SSBP3: variants seen among roughly 807,000 people sequenced by gnomAD.
SSBP3 encodes the protein single-stranded DNA-binding protein 3.
SSBP3 carries 5 observed loss-of-function variants against 69.6 expected under a neutral mutation model. That is an observed-to-expected ratio of 0.07 (90% CI 0.04 to 0.15). The LOEUF is 0.15. Ranked by LOEUF, SSBP3 falls within the 10% of genes least tolerant of loss-of-function variation. The probability of loss-of-function intolerance (pLI) is 1.00; values close to 1 mark genes in which losing one functional copy is unlikely to be tolerated. For synonymous variants in SSBP3, 196 were observed against 193.4 expected (o/e 1.01, Z -0.11); for missense variants, 312 against 534.0 (o/e 0.58, Z 4.10).
At chr1:54,334,491 A>T (rs1646475053) in intron 4 of SSBP3, among the ~76,000 whole-genome samples, 1 of 151,988 alleles carries the variant, frequency 6.6e-6, no homozygotes, top group Admixed American at 6.6e-5. Flanking sequence ...CTACGGACCC[A>T]CTCATTAGCT....
intron 4 of SSBP3, among the ~76,000 whole-genome samples, chr1:54,336,443 G>A (rs578178019): frequency 1.5e-4 from 23 of 152,046 alleles, no homozygotes; most frequent in South Asian, 6.3e-4. Context: ...GCCCATTCTC[G>A]GTGAGCATCC....
chr1:54,386,527 T>C (rs1214436582), intron 4 of SSBP3, among the ~76,000 whole-genome samples: 2 of 151,950 alleles, frequency 1.3e-5, no homozygotes, highest in African/African-American at 4.8e-5. Context: ...AGGTTGCTCA[T>C]ATCCCGTATT....
At chr1:54,367,284 A>C (rs1458171835) in intron 4 of SSBP3, among the ~76,000 whole-genome samples, 1 of 152,190 alleles carries the variant, frequency 6.6e-6, no homozygotes, top group Admixed American at 6.5e-5. Flanking sequence ...TGAGAATACC[A>C]GCCATCGTTT....
intron 1 of SSBP3, among the ~76,000 whole-genome samples, chr1:54,411,620 C>G (rs890574799): frequency 1.3e-5 from 2 of 152,016 alleles, no homozygotes; most frequent in Non-Finnish European, 2.9e-5. Context: ...CTGCCGGGCG[C>G]GGTGGTTCAC....
chr1:54,245,994 A>G (rs1033620964), intron 9 of SSBP3, among the ~76,000 whole-genome samples: 2 of 152,148 alleles, frequency 1.3e-5, no homozygotes. Flanking sequence ...GAATGACCCC[A>G]CTGTGCAGTT....
intron 4 of SSBP3, among the ~76,000 whole-genome samples, chr1:54,361,881 T>C (rs2073109): frequency 0.65 from 98,887 of 152,006 alleles, 33,169 homozygotes; most frequent in African/African-American, 0.83. Context: ...GACTGGGAGG[T>C]GTTGTCATCG....
At chr1:54,280,173 G>A (rs1170990105) in intron 5 of SSBP3, among the ~76,000 whole-genome samples, 2 of 152,214 alleles carry the variant, frequency 1.3e-5, no homozygotes, top group Non-Finnish European at 2.9e-5. Context: ...CTTCTTAGCT[G>A]GTGAGCAGCA....
intron 9 of SSBP3, 156 bp from the exon 10 acceptor site, chr1:54,243,455 T>TG (rs1644678068): frequency 1.1e-6 from 1 of 881,930 alleles, no homozygotes. Flanking sequence ...GTGGGGCGGG[T>TG]GGGAACCAAG....
At chr1:54,407,914 A>T (rs1649889935), upstream of SSBP3, among the ~76,000 whole-genome samples, 2 of 152,174 alleles carry the variant, frequency 1.3e-5, no homozygotes. Flanking sequence ...AACAAAATAA[A>T]CAATAATTCC....
chr1:54,274,037 GT>G (rs1392124255), intron 5 of SSBP3, among the ~76,000 whole-genome samples: 1 of 152,220 alleles, frequency 6.6e-6, no homozygotes, highest in Non-Finnish European at 1.5e-5. Context: ...TGGTGCTTCT[GT>G]CCCCTGGAGG....
At chr1:54,310,961 G>C (rs185583606) in intron 4 of SSBP3, among the ~76,000 whole-genome samples, 1 of 152,192 alleles carries the variant, frequency 6.6e-6, no homozygotes, top group East Asian at 1.9e-4. Flanking sequence ...CACCTGGAAG[G>C]ACCGCAGGTC....
At chr1:54,287,581 G>C (rs965965388) in intron 4 of SSBP3, among the ~76,000 whole-genome samples, 1 of 152,158 alleles carries the variant, frequency 6.6e-6, no homozygotes, top group Non-Finnish European at 1.5e-5. Context: ...TGGGGAAGGA[G>C]GGAGGGAGGG....
chr1:54,354,094 G>A (rs1028748799), intron 4 of SSBP3, among the ~76,000 whole-genome samples: 15 of 152,128 alleles, frequency 9.9e-5, no homozygotes, highest in African/African-American at 3.4e-4. Context: ...ACAAAAGATG[G>A]GACTCCCATT....
chr1:54,406,066 CT>C, exon 1 of SSBP3: 7 of 1,392,392 alleles, frequency 5.0e-6, no homozygotes, highest in Non-Finnish European at 6.7e-6. Context: ...GCCGCTACCG[CT>C]CCGGCTCTCC....
intron 4 of SSBP3, among the ~76,000 whole-genome samples, chr1:54,319,964 G>T (rs992059437): frequency 1.3e-5 from 2 of 152,108 alleles, no homozygotes; most frequent in Non-Finnish European, 2.9e-5. Flanking sequence ...TTCAAGATTT[G>T]ACAGAAGGAA....
At chr1:54,376,165 T>C (rs6699195) in intron 4 of SSBP3, among the ~76,000 whole-genome samples, 91,152 of 150,938 alleles carry the variant, frequency 0.6, 28,780 homozygotes, top group African/African-American at 0.78. Flanking sequence ...CCCTCCACCC[T>C]GTTCACTCGT....
intron 4 of SSBP3, among the ~76,000 whole-genome samples, chr1:54,384,037 C>T (rs146378783): frequency 0.022 from 3,119 of 142,742 alleles, 63 homozygotes; most frequent in Non-Finnish European, 0.034. Flanking sequence ...ACCCAGGAGG[C>T]GGAGCTTGCA....
chr1:54,401,793 T>C, intron 4 of SSBP3, 68 bp downstream of exon 4: 4 of 1,389,512 alleles, frequency 2.9e-6, no homozygotes, highest in Admixed American at 1.8e-5. Flanking sequence ...GTGTTTGCTT[T>C]TCGTACTAGA....
chr1:54,400,300 A>T (rs546116951), intron 4 of SSBP3, among the ~76,000 whole-genome samples: 96 of 138,500 alleles, frequency 6.9e-4, no homozygotes, highest in African/African-American at 2.5e-3. Flanking sequence ...CCATCCCCAG[A>T]TTCTAAAATG....
Sources: allele counts gnomAD v4.1 joint callset (sites outside exome capture counted in the v4.1 genomes callset), GRCh38; gene constraint gnomAD v4.1.1; transcripts MANE v1.5; gene names NCBI Gene and HGNC (gene_info 2026-07-23, HGNC 2026-07-21).